CSMD1: variants seen among roughly 807,000 people sequenced by gnomAD.
CSMD1 encodes the protein CUB and sushi domain-containing protein 1.
CSMD1 carries 213 observed loss-of-function variants against 417.5 expected under a neutral mutation model. That is an observed-to-expected ratio of 0.51 (90% CI 0.46 to 0.57). The LOEUF is 0.57. Among genes scored for constraint, CSMD1 ranks in the 20% least tolerant of loss-of-function variants. The pLI is 0.00. For missense variants in CSMD1, 6,923 were observed against 4,529.7 expected (o/e 1.53, Z -15.17); for synonymous variants, 2,862 against 1,736.8 (o/e 1.65, Z -16.11).
chr8:4,259,866 C>A (rs1247627838), intron 3 of CSMD1, among the ~76,000 whole-genome samples: 1 of 152,100 alleles, frequency 6.6e-6, no homozygotes, highest in East Asian at 1.9e-4. Context: ...TAAAATATTG[C>A]AGCTTAAGTT....
At chr8:3,605,363 A>T (rs1801561678) in intron 8 of CSMD1, among the ~76,000 whole-genome samples, 1 of 152,228 alleles carries the variant, frequency 6.6e-6, no homozygotes, top group South Asian at 2.1e-4. Flanking sequence ...GCAATTCTTT[A>T]CATTTTCATG....
At chr8:4,919,939 C>G (rs551955372) in intron 1 of CSMD1, among the ~76,000 whole-genome samples, 4 of 152,206 alleles carry the variant, frequency 2.6e-5, no homozygotes, top group African/African-American at 9.6e-5. Context: ...CAACAGACAC[C>G]AGACCTGCCA....
Position 2,973,730 on chromosome 8 carries a change from G to C in CSMD1, c.8741-431C>G, listed in dbSNP as rs150916249. On this transcript the variant is annotated intron_variant, in intron 56 of 69. Coordinates refer to ENST00000635120, the MANE Select transcript of CSMD1 (RefSeq NM_033225.6). ...GAATTGTGTCCAGAGTTGCTGGTTC[G>C]CTGAATTTTGGTTGTTTAAGAAACA... Among the ~76,000 whole-genome samples the C allele has an allele frequency of 9.9e-5, 15 of 151,958 alleles. No homozygotes were observed. The South Asian group carries it at 2.7e-3, about 27-fold the overall frequency.
chr8:4,740,157 A>G (rs1288929371), intron 1 of CSMD1, among the ~76,000 whole-genome samples: 3 of 152,104 alleles, frequency 2.0e-5, no homozygotes, highest in African/African-American at 7.2e-5. Flanking sequence ...TGACTGTGCA[A>G]TGAGAGCCTG....
intron 5 of CSMD1, among the ~76,000 whole-genome samples, chr8:3,756,049 T>G (rs919182537): frequency 6.6e-6 from 1 of 152,020 alleles, no homozygotes; most frequent in Non-Finnish European, 1.5e-5. Flanking sequence ...CTTACTGAAC[T>G]TACAGGTACT....
chr8:4,039,857 G>T (rs1056686024), intron 3 of CSMD1, among the ~76,000 whole-genome samples: 2 of 152,184 alleles, frequency 1.3e-5, no homozygotes, highest in Non-Finnish European at 2.9e-5. Flanking sequence ...TCCAGAAAGT[G>T]ATTTTGTAAT....
chr8:4,912,136 A>G (rs1563745849), intron 1 of CSMD1, among the ~76,000 whole-genome samples: 2 of 88,194 alleles, frequency 2.3e-5, no homozygotes, highest in African/African-American at 3.4e-5. Flanking sequence ...AAAAAAAAAA[A>G]AAAAAGAAAG....
chr8:4,233,691 G>C (rs184023159), intron 3 of CSMD1, among the ~76,000 whole-genome samples: 212 of 152,162 alleles, frequency 1.4e-3, no homozygotes, highest in Non-Finnish European at 1.9e-3. Flanking sequence ...CCAATGTATG[G>C]AATTTTGGTA....
chr8:4,422,770 G>A (rs1290336040), intron 2 of CSMD1, among the ~76,000 whole-genome samples: 2 of 152,152 alleles, frequency 1.3e-5, no homozygotes, highest in East Asian at 3.9e-4. Flanking sequence ...GCATATAGAT[G>A]CAAAAATCCT....
chr8:4,745,596 A>G (rs1013449487), intron 1 of CSMD1, among the ~76,000 whole-genome samples: 4 of 152,020 alleles, frequency 2.6e-5, no homozygotes, highest in Admixed American at 2.0e-4. Flanking sequence ...GCTAGAAATA[A>G]AGAGAGAGAG....
At chr8:4,726,482 C>T (rs777339151) in intron 1 of CSMD1, among the ~76,000 whole-genome samples, 2 of 151,938 alleles carry the variant, frequency 1.3e-5, no homozygotes, top group Non-Finnish European at 2.9e-5. Context: ...CTTTTTTTTA[C>T]TTCGTTTTTC....
chr8:3,711,718 A>T (rs1001229916), intron 6 of CSMD1, among the ~76,000 whole-genome samples: 2 of 152,184 alleles, frequency 1.3e-5, no homozygotes, highest in Non-Finnish European at 2.9e-5. Context: ...TCCCCAGGAT[A>T]ATGCTTTCAT....
intron 1 of CSMD1, among the ~76,000 whole-genome samples, chr8:4,881,587 A>C (rs907917502): frequency 5.3e-5 from 8 of 150,290 alleles, no homozygotes; most frequent in Non-Finnish European, 1.2e-4. Flanking sequence ...TACAAGCTCA[A>C]ATTTATTCAA....
chr8:4,265,575 C>G lies in CSMD1; in HGVS notation c.415+154378G>C, dbSNP rs1804187675. ...TATTCATATACTCCTATGTTTTATG[C>G]TATATTTTATGGAATACAAAACAAG... On this transcript the variant is annotated intron_variant, in intron 3 of 69. Transcript: ENST00000635120. Among the ~76,000 whole-genome samples the G allele has an allele frequency of 1.9e-5, 2 of 104,168 alleles. 1 individual carries two copies. The highest frequency in any genetic ancestry group is 5.2e-5 in the African/African-American group (2 of 38,244). 68.3% of individuals were successfully genotyped at this position (104,168 alleles called of 152,430 possible).
intron 2 of CSMD1, among the ~76,000 whole-genome samples, chr8:4,604,096 A>T (rs1486957582): frequency 6.6e-6 from 1 of 152,030 alleles, no homozygotes; most frequent in Admixed American, 6.6e-5. Context: ...AGACAGATAA[A>T]CAATTTTTTA....
intron 8 of CSMD1, among the ~76,000 whole-genome samples, chr8:3,603,719 T>TA (rs952069071): frequency 2.0e-5 from 3 of 152,256 alleles, no homozygotes; most frequent in African/African-American, 7.2e-5. Flanking sequence ...CAAATTTTCT[T>TA]AAAAAACCCC....
intron 1 of CSMD1, among the ~76,000 whole-genome samples, chr8:4,709,094 G>A (rs774170252): frequency 3.9e-5 from 6 of 152,172 alleles, no homozygotes; most frequent in Admixed American, 6.5e-5. Context: ...TTCCCAATAT[G>A]GTAGACTGGG....
intron 5 of CSMD1, among the ~76,000 whole-genome samples, chr8:3,865,697 G>A (rs947695603): frequency 4.6e-5 from 7 of 152,232 alleles, no homozygotes; most frequent in African/African-American, 9.6e-5. Flanking sequence ...GGTTCCAACG[G>A]AGCAGTAAAT....
intron 3 of CSMD1, among the ~76,000 whole-genome samples, chr8:4,269,752 C>T (rs951824937): frequency 6.6e-6 from 1 of 152,154 alleles, no homozygotes; most frequent in Admixed American, 6.6e-5. Flanking sequence ...TAAAACACTG[C>T]AAAATTACAT....
Sources: gnomAD v4.1 joint callset for allele counts (sites outside exome capture counted in the v4.1 genomes callset) on GRCh38, gnomAD v4.1.1 for gene constraint, MANE v1.5 for transcripts, NCBI Gene and HGNC (gene_info 2026-07-23, HGNC 2026-07-21) for gene names.